The following BDP1 variants were observed in gnomAD, a reference collection of about 807,000 sequenced individuals.
BDP1 encodes BDP1 general transcription factor IIIB subunit.
BDP1 carries 169 observed loss-of-function variants against 266.6 expected under a neutral mutation model. That is an observed-to-expected ratio of 0.63 (90% CI 0.56 to 0.72). The LOEUF (loss-of-function observed/expected upper bound fraction) is 0.72, where lower values mean the gene tolerates loss of function less well. Ranked by LOEUF, BDP1 falls within the 30% of genes least tolerant of loss-of-function variation. The pLI is 0.00. For missense variants in BDP1, 3,015 were observed against 3,053.8 expected (o/e 0.99, Z 0.30); for synonymous variants, 1,090 against 1,022.4 (o/e 1.07, Z -1.26).
intron 11 of BDP1, chr5:71,494,435 C>T (rs570372930): frequency 1.3e-5 from 2 of 152,346 alleles, no homozygotes; most frequent in South Asian, 2.1e-4. Flanking sequence ...GCAATCCTCT[C>T]ACCTCAGCCT....
chr5:71,569,236 C>T (rs1744187517), downstream of BDP1, among the ~76,000 whole-genome samples: 1 of 152,142 alleles, frequency 6.6e-6, no homozygotes, highest in African/African-American at 2.4e-5. Flanking sequence ...CCTGTAATCC[C>T]AGCATTTTGG....
intron 26 of BDP1, among the ~76,000 whole-genome samples, chr5:71,537,485 C>T (rs1766699396): frequency 6.6e-6 from 1 of 152,030 alleles, no homozygotes; most frequent in South Asian, 2.1e-4. Context: ...AAAAATATTC[C>T]TCTGGAATGT....
chr5:71,474,651 C>A (rs532500893), intron 7 of BDP1, among the ~76,000 whole-genome samples: 1 of 151,646 alleles, frequency 6.6e-6, no homozygotes, highest in South Asian at 2.1e-4. Context: ...AGTCCAAGAC[C>A]AGCCTGGCCA....
At chr5:71,511,712 T>G (rs1764932223) in intron 17 of BDP1, among the ~76,000 whole-genome samples, 1 of 152,172 alleles carries the variant, frequency 6.6e-6, no homozygotes, top group East Asian at 1.9e-4. Context: ...TTTTTTTCTT[T>G]AAGTCAGATG....
intron 9 of BDP1, among the ~76,000 whole-genome samples, chr5:71,487,637 C>A (rs1763347205): frequency 6.6e-6 from 1 of 152,188 alleles, no homozygotes; most frequent in Non-Finnish European, 1.5e-5. Context: ...AGAGGCAGAA[C>A]TGAAACCTGG....
At chr5:71,517,598 T>G (rs1472430397) in intron 22 of BDP1, 146 bp downstream of exon 22, 1 of 648,200 alleles carries the variant, frequency 1.5e-6, no homozygotes, top group Non-Finnish European at 2.5e-6. Flanking sequence ...TAGAGTCTTT[T>G]AAATCTGCTT....
At chr5:71,552,602 G>A (rs945728670) in intron 34 of BDP1, among the ~76,000 whole-genome samples, 2 of 152,256 alleles carry the variant, frequency 1.3e-5, no homozygotes, top group African/African-American at 2.4e-5. Flanking sequence ...CGGATCACTC[G>A]CGGTTAGGAG....
In BDP1 at chr5:71,539,944, A is replaced by G. The variant is rs1205387161; in HGVS notation, c.6022+295A>G. 3.3e-5 allele frequency among the ~76,000 whole-genome samples: 5 copies of G among 152,114 alleles called. No individual in the cohort carries two copies. In the East Asian group the frequency reaches 5.8e-4, roughly 18 times the overall value. ...GGTAAAGGTAGTGAATACTACCTTT[A>G]CCATCATAAATGTCATTGGTTAACT... On this transcript the variant is annotated intron_variant, in intron 28 of 38. Coordinates refer to ENST00000358731, the MANE Select transcript of BDP1 (RefSeq NM_018429.3).
In BDP1 at chr5:71,562,292, G is replaced by A. The variant is rs1386425354; in HGVS notation, c.7515G>A (p.Leu2505=). The A allele has an allele frequency of 1.9e-6, 3 of 1,606,404 alleles. No individual in the cohort carries two copies. Among genetic ancestry groups the A allele is most frequent in the South Asian group, 1.1e-5 (1 of 89,984 alleles). The change falls in exon 38 of 39, where the codon CTG becomes CTA. Residue 2505 remains leucine, a synonymous_variant. Transcript: ENST00000358731. The stretch of plus-strand genomic sequence containing the variant: ...TTTCTAGACCTGGCAGAAGACCCCT[G>A]GGATTTTTATCTTTAATATGCTCAA... ...ASLSRPGRRP[L]GFLSLICSKN...
Position 71,490,619 on chromosome 5 carries a change from G to T in BDP1, c.1493-365G>T, listed in dbSNP as rs538144728. On this transcript the variant is annotated intron_variant, in intron 10 of 38. Transcript: ENST00000358731. ...TCTGATGGACTTAAGGGTTCCTGCCGCTTAGTAAGTACTTAATAAATGATA... is the reference window on the plus strand; with the variant it reads ...TCTGATGGACTTAAGGGTTCCTGCCTCTTAGTAAGTACTTAATAAATGATA... Among the ~76,000 whole-genome samples the T allele has an allele frequency of 3.9e-5, 6 of 152,228 alleles. No homozygotes were observed. The East Asian group carries it at 1.2e-3, about 29-fold the overall frequency.
At chr5:71,531,931 T>C (rs1056884514) in intron 25 of BDP1, among the ~76,000 whole-genome samples, 6 of 152,220 alleles carry the variant, frequency 3.9e-5, no homozygotes, top group Non-Finnish European at 8.8e-5. Context: ...GGACTACACT[T>C]ATCTTATTTG....
intron 26 of BDP1, among the ~76,000 whole-genome samples, chr5:71,538,415 G>C (rs1278833861): frequency 6.6e-6 from 1 of 152,154 alleles, no homozygotes; most frequent in East Asian, 1.9e-4. Context: ...GAAGGAGAGA[G>C]AAAGAGCAGT....
chr5:71,498,826 C>T (rs1290604751), intron 13 of BDP1, among the ~76,000 whole-genome samples: 2 of 150,570 alleles, frequency 1.3e-5, no homozygotes, highest in African/African-American at 4.9e-5. Flanking sequence ...CAGGTTCAAG[C>T]TATTCTTGTG....
chr5:71,576,921 C>T, the BDP1 span, among the ~76,000 whole-genome samples: 1 of 152,054 alleles, frequency 6.6e-6, no homozygotes, highest in Admixed American at 6.5e-5. Flanking sequence ...ATAATACTAT[C>T]CAATAATAGC....
In BDP1 at chr5:71,498,626, G is replaced by T. The variant is rs184987685; in HGVS notation, c.1956+1200G>T. Among the ~76,000 whole-genome samples the T allele has an allele frequency of 4.2e-3, 636 of 150,454 alleles. 10 individuals are homozygous for T. Among genetic ancestry groups the T allele is most frequent in the African/African-American group, 0.015 (594 of 40,954 alleles). On this transcript the variant is annotated intron_variant, in intron 13 of 38. Coordinates refer to ENST00000358731, the MANE Select transcript of BDP1 (RefSeq NM_018429.3). ...TTTAGTAGAGACAGGGTTTCACCTT[G>T]TTGGCCAGGCTGGTCTCGAACTCCT...
intron 8 of BDP1, among the ~76,000 whole-genome samples, chr5:71,484,204 T>G (rs1763123627): frequency 6.6e-6 from 1 of 152,186 alleles, no homozygotes; most frequent in African/African-American, 2.4e-5. Context: ...AGATCATTGT[T>G]TCTGGAAGAC....
downstream of BDP1, among the ~76,000 whole-genome samples, chr5:71,572,730 C>A (rs957543978): frequency 6.6e-6 from 1 of 152,158 alleles, no homozygotes; most frequent in African/African-American, 2.4e-5. Context: ...TATTAAAACT[C>A]TTGATGTGGA....
intron 8 of BDP1, among the ~76,000 whole-genome samples, chr5:71,486,216 AC>A (rs1450621412): frequency 6.6e-6 from 1 of 152,220 alleles, no homozygotes; most frequent in Admixed American, 6.5e-5. Context: ...TTTGCAATAA[AC>A]AAATTATTAC....
chr5:71,550,665 TTAAGA>T (rs1226093407), intron 34 of BDP1, among the ~76,000 whole-genome samples: 1 of 152,180 alleles, frequency 6.6e-6, no homozygotes, highest in African/African-American at 2.4e-5. Flanking sequence ...CTACCATTAA[TTAAGA>T]TAATTGTCCA....
Sources: gnomAD v4.1 joint callset for allele counts (sites outside exome capture counted in the v4.1 genomes callset) on GRCh38, gnomAD v4.1.1 for gene constraint, MANE v1.5 for transcripts, NCBI Gene and HGNC (gene_info 2026-07-23, HGNC 2026-07-21) for gene names.